The following TRPM3 variants were observed in gnomAD, a reference collection of about 807,000 sequenced individuals.
TRPM3 encodes transient receptor potential cation channel subfamily M member 3.
TRPM3 carries 77 observed loss-of-function variants against 181.2 expected under a neutral mutation model. That is an observed-to-expected ratio of 0.42 (90% CI 0.35 to 0.51). TRPM3 has a LOEUF of 0.51. Ranked by LOEUF, TRPM3 falls within the 20% of genes least tolerant of loss-of-function variation. The probability of loss-of-function intolerance (pLI) is 0.01; values close to 1 mark genes in which losing one functional copy is unlikely to be tolerated. For missense variants in TRPM3, 1,759 were observed against 2,196.7 expected (o/e 0.80, Z 3.98); for synonymous variants, 745 against 796.4 (o/e 0.94, Z 1.09).
At chr9:70,887,729 T>C (rs991540445) in intron 1 of TRPM3, among the ~76,000 whole-genome samples, 1 of 152,304 alleles carries the variant, frequency 6.6e-6, no homozygotes, top group Non-Finnish European at 1.5e-5. Context: ...CAACATCTGT[T>C]TGTCAATTAC....
intron 1 of TRPM3, among the ~76,000 whole-genome samples, chr9:71,290,699 TTG>T (rs1240558744): frequency 7.9e-5 from 12 of 152,070 alleles, no homozygotes; most frequent in Middle Eastern, 3.2e-3. Context: ...AATCAAGATA[TTG>T]CTAAAATCCA....
chr9:70,752,035 TGTGTGTGTGTGTGTGC>T (rs899839927), intron 8 of TRPM3, among the ~76,000 whole-genome samples: 33 of 116,318 alleles, frequency 2.8e-4, no homozygotes, highest in South Asian at 7.8e-4. Flanking sequence ...TGTGTGTGTG[TGTGTGTGTGTGTGTGC>T]GCGCGCGCGC....
intron 6 of TRPM3, among the ~76,000 whole-genome samples, chr9:70,819,160 C>T (rs1352587409): frequency 1.3e-5 from 2 of 152,094 alleles, no homozygotes; most frequent in Non-Finnish European, 1.5e-5. Flanking sequence ...CTGGGCCAGG[C>T]GACTCTTCAT....
At position 70,573,517 on chromosome 9, in the gene TRPM3, CT is replaced by C. The variant is rs548958775; in HGVS notation, c.3223+17513del. ...CTTCATTGTGGGAGTGTCCTGTGCA[CT>C]GCAGGTTACACACACAGTCTGGGCT... On this transcript the variant is annotated intron_variant, in intron 22 of 25. Coordinates refer to ENST00000677713, the MANE Select transcript of TRPM3 (RefSeq NM_001366145.2). Among the ~76,000 whole-genome samples, 21 of 152,264 alleles carry C rather than the reference CT, an allele frequency of 1.4e-4. No individual in the cohort carries two copies. The South Asian group carries it at 4.1e-3, about 30-fold the overall frequency.
chr9:71,307,568 C>T (rs971317881), intron 1 of TRPM3, among the ~76,000 whole-genome samples: 2 of 152,168 alleles, frequency 1.3e-5, no homozygotes, highest in African/African-American at 2.4e-5. Context: ...TGCTTCTCCT[C>T]TCTCCTCTGT....
rs930014522 is a variant in TRPM3, at chr9:71,360,293, G to A, written c.183+86360C>T. 2.6e-5 allele frequency among the ~76,000 whole-genome samples: 4 copies of A among 152,200 alleles called. No homozygotes were observed. In the East Asian group the frequency reaches 7.7e-4, roughly 29 times the overall value. ...CACATATAATTATTTGACCTTGAAC[G>A]AGTCTCTACCATTTTGGTAATCAGG... On this transcript the variant is annotated intron_variant, in intron 1 of 24. Coordinates refer to the TRPM3 transcript ENST00000357533.
chr9:70,817,734 A>G (rs2092828159), intron 6 of TRPM3, among the ~76,000 whole-genome samples: 1 of 152,122 alleles, frequency 6.6e-6, no homozygotes, highest in Non-Finnish European at 1.5e-5. Context: ...TCATCTTCCT[A>G]TCTCTCTGTG....
chr9:70,858,390 G>C (rs1390870263), intron 3 of TRPM3, among the ~76,000 whole-genome samples: 1 of 152,074 alleles, frequency 6.6e-6, no homozygotes, highest in East Asian at 1.9e-4. Context: ...TTGTTTGAGA[G>C]GATAAGAGGT....
Position 71,393,131 on chromosome 9 carries a change from A to G in TRPM3, c.183+53522T>C, listed in dbSNP as rs1361224506. On this transcript the variant is annotated intron_variant, in intron 1 of 24. Transcript: ENST00000357533. Reference sequence around the variant, plus strand: ...CAGTTTTGAGTCTAAGGGGATTGGAATAATTTCACAGTAAGAAAAGAGCCT... The same window carrying G: ...CAGTTTTGAGTCTAAGGGGATTGGAGTAATTTCACAGTAAGAAAAGAGCCT... Among the ~76,000 whole-genome samples the G allele has an allele frequency of 2.0e-5, 3 of 152,152 alleles. No individual in the cohort carries two copies. The East Asian group carries it at 5.8e-4, about 29-fold the overall frequency.
intron 4 of TRPM3, among the ~76,000 whole-genome samples, chr9:70,844,265 A>G (rs2094845726): frequency 6.6e-6 from 1 of 152,220 alleles, no homozygotes; most frequent in Non-Finnish European, 1.5e-5. Flanking sequence ...GTAACTCAAT[A>G]CTGAAATATT....
At chr9:71,089,744 C>T (rs558494219) in intron 1 of TRPM3, among the ~76,000 whole-genome samples, 1 of 152,204 alleles carries the variant, frequency 6.6e-6, no homozygotes, top group South Asian at 2.1e-4. Flanking sequence ...AGAAGAAGCT[C>T]AGTGTCTCGT....
At chr9:71,223,677 C>T (rs546959768) in intron 1 of TRPM3, among the ~76,000 whole-genome samples, 15 of 152,294 alleles carry the variant, frequency 9.8e-5, no homozygotes, top group South Asian at 4.1e-4. Context: ...AGCCCACTTC[C>T]CTGAAAGGTG....
intron 1 of TRPM3, among the ~76,000 whole-genome samples, chr9:71,279,646 C>T (rs1297453345): frequency 6.6e-6 from 1 of 152,094 alleles, no homozygotes; most frequent in African/African-American, 2.4e-5. Flanking sequence ...TTGGTTCCCC[C>T]AGCCCCCAAG....
chr9:70,693,475 T>C (rs1030015022), intron 8 of TRPM3, among the ~76,000 whole-genome samples: 1 of 145,574 alleles, frequency 6.9e-6, no homozygotes, highest in Non-Finnish European at 1.5e-5. Flanking sequence ...TTTTTAGCGC[T>C]TTTTTTTTGA....
At chr9:71,028,271 G>A (rs906323497) in intron 1 of TRPM3, among the ~76,000 whole-genome samples, 4 of 152,044 alleles carry the variant, frequency 2.6e-5, no homozygotes, top group African/African-American at 9.7e-5. Context: ...AAATGCTGAG[G>A]GAATTCCATA....
At position 70,777,482 on chromosome 9, in the gene TRPM3, G is replaced by A. The variant is rs185804767; in HGVS notation, c.1148+6623C>T. 2.0e-4 allele frequency among the ~76,000 whole-genome samples: 31 copies of A among 152,008 alleles called. 1 individual carries two copies. The East Asian group carries it at 2.1e-3, about 10-fold the overall frequency. On this transcript the variant is annotated intron_variant, in intron 7 of 25. Transcript: ENST00000677713. ...TAAAATAGGGAACTCTAAGACAAAC[G>A]TATTTATTTTATTTCACACTTTCTT...
intron 6 of TRPM3, chr9:70,793,469 A>AAAAAATAT (rs1491522415): frequency 1.2e-4 from 15 of 123,200 alleles, no homozygotes; most frequent in African/African-American, 4.5e-4. Flanking sequence ...AAAAAAAAAA[A>AAAAAATAT]ATATATATAT....
chr9:70,997,399 G>A (rs998810574), intron 1 of TRPM3, among the ~76,000 whole-genome samples: 7 of 152,090 alleles, frequency 4.6e-5, no homozygotes, highest in East Asian at 3.9e-4. Flanking sequence ...GTTTCACCAC[G>A]TTAGCCAGGA....
rs34024667 is a variant in TRPM3, at chr9:71,003,193, TA to T, written c.177+117984del. ...CATTTTGAATCCTTTTCCCTTGCCTTAAAAAAAAAAAAAAAAAACACTTAAC... is the reference window on the plus strand; with the variant it reads ...CATTTTGAATCCTTTTCCCTTGCCTTAAAAAAAAAAAAAAAAACACTTAAC... On this transcript the variant is annotated intron_variant, in intron 1 of 25. Transcript: ENST00000677713. Among the ~76,000 whole-genome samples the T allele has an allele frequency of 1.5e-3, 199 of 129,170 alleles. 2 individuals carry two copies. Among genetic ancestry groups the T allele is most frequent in the African/African-American group, 1.8e-3 (66 of 36,642 alleles). 84.7% of individuals were successfully genotyped at this position (129,170 alleles called of 152,430 possible).
Sources: gnomAD v4.1 joint callset for allele counts (sites outside exome capture counted in the v4.1 genomes callset) on GRCh38, gnomAD v4.1.1 for gene constraint, MANE v1.5 for transcripts, NCBI Gene and HGNC (gene_info 2026-07-23, HGNC 2026-07-21) for gene names.